The following NSMF variants were observed in gnomAD, a reference collection of about 807,000 sequenced individuals.
NSMF encodes the protein NMDA receptor synaptonuclear signaling and neuronal migration factor, also known as nasal embryonic LHRH factor.
Under a neutral mutation model 71.0 loss-of-function variants are expected in NSMF, and 31 were observed. The observed-to-expected ratio is 0.44, with a 90% CI of 0.33 to 0.59. The LOEUF is 0.59. Ranked by LOEUF, NSMF falls within the 20% of genes least tolerant of loss-of-function variation. The pLI is 0.04. For missense variants in NSMF, 673 were observed against 740.5 expected (o/e 0.91, Z 1.06); for synonymous variants, 345 against 287.1 (o/e 1.20, Z -2.04).
At position 137,457,452 on chromosome 9, in the gene NSMF, G is replaced by A. The variant is rs1038133430; in HGVS notation, c.583C>T (p.Arg195Cys). The stretch of plus-strand genomic sequence containing the variant: ...TACATCCTCTCCAGCTTCTTGCGGC[G>A]ACCGGAGGTCTCAGGCAGAGGTGGC... The part of the protein sequence containing the change: ...DQPPLPETSG[R>C]RKKLERMYSV... The change falls in exon 3 of 16, where the codon CGC becomes TGC. Residue 195 changes from arginine to cysteine, a missense_variant. Coordinates refer to ENST00000371475, the MANE Select transcript of NSMF (RefSeq NM_001130969.3). The A allele has an allele frequency of 9.3e-6, 15 of 1,612,708 alleles. No individual in the cohort carries two copies. Among genetic ancestry groups the A allele is most frequent in the Middle Eastern group, 3.3e-4 (2 of 6,084 alleles).
chr9:137,451,107 A>T (rs550407007), intron 12 of NSMF, among the ~76,000 whole-genome samples: 14 of 29,728 alleles, frequency 4.7e-4, no homozygotes, highest in East Asian at 8.3e-4. Flanking sequence ...CCCCTGCCAC[A>T]CGTCTCTTCC....
Position 137,449,999 on chromosome 9 carries a change from A to T in NSMF, c.1343T>A (p.Met448Lys). 1 of 1,613,042 alleles carries T rather than the reference A, an allele frequency of 6.2e-7. No homozygotes were observed. Among genetic ancestry groups the T allele is most frequent in the Non-Finnish European group, 8.5e-7 (1 of 1,179,894 alleles). ...IHFWKRLSRL[M>K]SKVNPEPNVI... ...GTTCGGCTCTGGGTTCACTTTGCTC[A>T]TCAGGCGGCTCAGCCGCTTCCAGAA... Residue 448 changes from methionine to lysine, a missense_variant, in exon 14 of 16, where the codon ATG becomes AAG. Physicochemically the swap from Met to Lys is moderately conservative, Grantham distance 95. Transcript: ENST00000371475.
At position 137,449,210 on chromosome 9, in the gene NSMF, CTGCGGCCACGGG is replaced by C. The variant is rs1196057406; in HGVS notation, c.*172_*183del. On this transcript the variant is annotated 3_prime_UTR_variant, in exon 16 of 16. Coordinates refer to ENST00000371475, the MANE Select transcript of NSMF (RefSeq NM_001130969.3). ...TCCCGGCCCCCAGGGACTGCAGCCT[CTGCGGCCACGGG>C]TGCAGCGAGGACCGGAACCCACAGG... 74 of 625,742 alleles carry C rather than the reference CTGCGGCCACGGG, an allele frequency of 1.2e-4. No homozygotes were observed. The highest frequency in any genetic ancestry group is 3.5e-4 in the Admixed American group (14 of 40,226). The allele number at this position is 625,742 out of a possible 1,614,324, so 38.8% of individuals were successfully genotyped here.
At position 137,453,640 on chromosome 9, in the gene NSMF, G is replaced by T; in HGVS notation, c.922+91C>A. ...CAAGATTCAGGAGTGCAAAAGCGCA[G>T]CCCAGCGGCCCTGGCAGGGGACCCC... On this transcript the variant is annotated intron_variant, in intron 8 of 15. Coordinates refer to ENST00000371475, the MANE Select transcript of NSMF (RefSeq NM_001130969.3). This position sits in a 1 kb window ranked among gnomAD's most constrained non-coding sequence, Gnocchi z 4.5. The T allele has an allele frequency of 1.0e-6, 1 of 979,718 alleles. No individual in the cohort carries two copies. The highest frequency in any genetic ancestry group is 1.5e-6 in the Non-Finnish European group (1 of 670,604). The allele number at this position is 979,718 out of a possible 1,614,324, so 60.7% of individuals were successfully genotyped here.
Position 137,453,806 on chromosome 9 carries a change from G to A in NSMF, c.847C>T (p.Arg283Cys), listed in dbSNP as rs766306138. The A allele has an allele frequency of 3.1e-6, 5 of 1,593,398 alleles. No individual in the cohort carries two copies. The highest frequency in any genetic ancestry group is 2.7e-5 in the African/African-American group (2 of 74,768). ...RVKAQTFAER[R>C]ERSFSRSWSD... ...CAGGACCGGCTGAAGCTCCGCTCGC[G>A]CCGCTCAGCGAACGCTGCAGAGAGC... The change falls in exon 8 of 16, where the codon CGC (arginine) becomes TGC (cysteine). Residue 283 changes from arginine (R) to cysteine (C), a missense_variant. Around this residue, in one of 2 missense-constraint regions of NSMF, gnomAD observed 471 missense variants for 459.6 expected, o/e 1.02. Transcript: ENST00000371475. The surrounding 1 kb of genome is among the most constrained non-coding windows in gnomAD (Gnocchi z 4.5).
rs1293521662 is a variant in NSMF at position 137,453,286 on chromosome 9, C to T, written c.923-106G>A. 1 of 1,531,506 alleles carries T rather than the reference C, an allele frequency of 6.5e-7. No individual in the cohort carries two copies. Among genetic ancestry groups the T allele is most frequent in the African/African-American group, 1.4e-5 (1 of 73,154 alleles). 94.9% of individuals were successfully genotyped at this position (1,531,506 alleles called of 1,614,324 possible). Reference sequence around the variant, plus strand: ...CGAAAGCCCCATCCCGGAGGGTCCTCCAAGCAAGTGGGAGGACCATACAGA... The same window carrying T: ...CGAAAGCCCCATCCCGGAGGGTCCTTCAAGCAAGTGGGAGGACCATACAGA... On this transcript the variant is annotated intron_variant, in intron 8 of 15. Coordinates refer to ENST00000371475, the MANE Select transcript of NSMF (RefSeq NM_001130969.3). The surrounding 1 kb of genome is among the most constrained non-coding windows in gnomAD (Gnocchi z 4.5).
intron 7 of NSMF, 60 bp downstream of exon 7, chr9:137,454,331 C>A: frequency 6.7e-7 from 1 of 1,491,160 alleles, no homozygotes; most frequent in Non-Finnish European, 9.1e-7. Context: ...TAGCAGCAAG[C>A]AAAGCCCCAA....
intron 1 of NSMF, 85 bp from the exon 2 acceptor site, chr9:137,458,634 C>G: frequency 7.8e-7 from 1 of 1,286,360 alleles, no homozygotes; most frequent in Non-Finnish European, 1.1e-6. Flanking sequence ...GGTCCGGTCC[C>G]CAGCCAGGCC....
chr9:137,453,094 C>A lies in NSMF; in HGVS notation c.1009G>T (p.Ala337Ser). ...WDTEKGLEAV[A>S]CDTEGFVPPK... ...GGCACGAAGCCTTCGGTGTCGCAGG[C>A]CACAGCCTCCAGGCCCTTCTCAGTG... is the stretch of plus-strand genomic sequence containing the variant. Residue 337 changes from alanine to serine, a missense_variant, in exon 9 of 16, where the codon GCC (alanine) becomes TCC (serine). This residue lies in a region of NSMF where 202 missense variants were observed against 280.8 expected (regional missense o/e 0.72). Transcript: ENST00000371475. This position sits in a 1 kb window ranked among gnomAD's most constrained non-coding sequence, Gnocchi z 4.5. The A allele has an allele frequency of 6.2e-7, 1 of 1,612,654 alleles. No homozygotes were observed. The highest frequency in any genetic ancestry group is 8.5e-7 in the Non-Finnish European group (1 of 1,179,912).
At chr9:137,450,140 C>T (rs373021446) in intron 13 of NSMF, 36 bp downstream of exon 13, 4 of 1,600,768 alleles carry the variant, frequency 2.5e-6, no homozygotes, top group Non-Finnish European at 2.6e-6. Flanking sequence ...ACTCTGCCTC[C>T]AGCCCTCCCC....
chr9:137,449,786 G>A, intron 14 of NSMF, 112 bp from the exon 15 acceptor site: 1 of 1,303,476 alleles, frequency 7.7e-7, no homozygotes, highest in East Asian at 2.4e-5. Context: ...AAACCTGGCT[G>A]GGCTCAGGCA....
chr9:137,452,833 G>C lies in NSMF; in HGVS notation c.1048-14C>G. 1.3e-6 allele frequency: 2 copies of C among 1,592,324 alleles called. No homozygotes were observed. Among genetic ancestry groups the C allele is most frequent in the Non-Finnish European group, 1.7e-6 (2 of 1,170,710 alleles). On this transcript the variant is annotated splice_polypyrimidine_tract_variant and intron_variant, in intron 9 of 15. Coordinates refer to ENST00000371475, the MANE Select transcript of NSMF (RefSeq NM_001130969.3). Reference sequence around the variant, plus strand: ...GGAGGAAATGAGCTGCGGAGACAAAGAGCTGCTCAGGGGCCCCAGGCCCAT... The same window carrying C: ...GGAGGAAATGAGCTGCGGAGACAAACAGCTGCTCAGGGGCCCCAGGCCCAT...
intron 6 of NSMF, 159 bp downstream of exon 6, chr9:137,455,075 CCCGGG>C: frequency 1.2e-6 from 1 of 802,792 alleles, no homozygotes; most frequent in South Asian, 1.4e-5. Context: ...TTTCCTGCAG[CCCGGG>C]CCACATGGCC....
chr9:137,458,590 A>G (rs1232037523), intron 1 of NSMF, 41 bp from the exon 2 acceptor site: 1 of 1,543,544 alleles, frequency 6.5e-7, no homozygotes, highest in Non-Finnish European at 8.8e-7. Context: ...CCACGGCACG[A>G]CCCTCCCAAA....
At position 137,458,666 on chromosome 9, in the gene NSMF, C is replaced by G. The variant is rs567967832; in HGVS notation, c.72-117G>C. 5 of 1,024,250 alleles carry G rather than the reference C, an allele frequency of 4.9e-6. No individual in the cohort carries two copies. The Admixed American group carries it at 6.0e-5, about 12-fold the overall frequency. The allele number at this position is 1,024,250 out of a possible 1,614,324, so 63.4% of individuals were successfully genotyped here. On this transcript the variant is annotated intron_variant, in intron 1 of 15. Transcript: ENST00000371475. The stretch of plus-strand genomic sequence containing the variant: ...GGCCCTCGGCGTCTGGAAGGAGGGT[C>G]GGGGTCGTCCCCCTCCGGGAGCCCA...
Position 137,457,331 on chromosome 9 carries a change from C to T in NSMF, c.628+76G>A, listed in dbSNP as rs751169264. The T allele has an allele frequency of 2.5e-6, 4 of 1,593,088 alleles. No individual in the cohort carries two copies. In the Admixed American group the frequency reaches 5.0e-5, roughly 20 times the overall value. On this transcript the variant is annotated intron_variant, in intron 3 of 15. Coordinates refer to ENST00000371475, the MANE Select transcript of NSMF (RefSeq NM_001130969.3). ...CACCTGTTCTCTGTTCCAAGCCTCA[C>T]AGTGGCTGCTGCTGTCAGACCCTGG...
At chr9:137,458,880 A>T (rs1440503361) in intron 1 of NSMF, 152 bp downstream of exon 1, 1 of 640,040 alleles carries the variant, frequency 1.6e-6, no homozygotes, top group Non-Finnish European at 2.5e-6. Flanking sequence ...AGGGCAGGGG[A>T]CCAGGAAGAG....
Position 137,457,536 on chromosome 9 carries a change from ACT to A in NSMF, c.497_498del (p.Glu166ValfsTer25). Reference protein sequence around the residue: ...SWAGSRQGSKECPGCAQLAPG... With the variant: ...SWAGSRQGSKXCPGCAQLAPG... ...GGAGCCAGCTGGGCACATCCGGGGC[ACT>A]CCTTGGAGCCCTGGCGGCTGCCCGC... is the stretch of plus-strand genomic sequence containing the variant. On this transcript the variant is annotated frameshift_variant, in exon 3 of 16. Transcript: ENST00000371475. LOFTEE classifies it high-confidence loss of function. 6.2e-7 allele frequency: 1 copy of A among 1,604,478 alleles called. No homozygotes were observed. The highest frequency in any genetic ancestry group is 8.5e-7 in the Non-Finnish European group (1 of 1,176,314).
chr9:137,449,818 C>G, intron 14 of NSMF, 105 bp downstream of exon 14: 1 of 1,323,162 alleles, frequency 7.6e-7, no homozygotes, highest in Non-Finnish European at 1.1e-6. Context: ...TAGGGGAATG[C>G]CCGGGGGAAG....
Sources: allele counts gnomAD v4.1 joint callset (sites outside exome capture counted in the v4.1 genomes callset), GRCh38; gene constraint gnomAD v4.1.1; regional missense constraint gnomAD v4.1.1; non-coding constraint Gnocchi (gnomAD v3.1); transcripts MANE v1.5; gene names NCBI Gene and HGNC (gene_info 2026-07-23, HGNC 2026-07-21).